Variants in TMEM178A observed in about 807,000 individuals in gnomAD.
TMEM178A encodes transmembrane protein 178.
In TMEM178A, 12 loss-of-function variants were observed where a neutral mutation model predicts 29.1. That is an observed-to-expected ratio of 0.41 (90% CI 0.26 to 0.67). The LOEUF (loss-of-function observed/expected upper bound fraction) is 0.67, where lower values mean the gene tolerates loss of function less well. Ranked by LOEUF, TMEM178A falls within the 30% of genes least tolerant of loss-of-function variation. The pLI, the probability that TMEM178A is intolerant of heterozygous loss-of-function variation, is 0.29. For synonymous variants in TMEM178A, 210 were observed against 187.2 expected, an observed-to-expected ratio of 1.12 and a Z score of -0.99; for missense variants, 366 against 419.1, an observed-to-expected ratio of 0.87 and a Z score of 1.11.
chr2:39,709,601 A>T (rs1253863667), intron 3 of TMEM178A, among the ~76,000 whole-genome samples: 2 of 152,234 alleles, frequency 1.3e-5, no homozygotes, highest in East Asian at 3.8e-4. Flanking sequence ...TGCACTGCAC[A>T]GAGGATTCCT....
intron 1 of TMEM178A, among the ~76,000 whole-genome samples, chr2:39,668,144 T>G (rs891395453): frequency 6.6e-6 from 1 of 152,220 alleles, no homozygotes; most frequent in African/African-American, 2.4e-5. Context: ...CCTGGCTAAC[T>G]GAGGTGCCAG....
intron 1 of TMEM178A, among the ~76,000 whole-genome samples, chr2:39,694,235 T>A (rs944379043): frequency 6.6e-6 from 1 of 151,860 alleles, no homozygotes; most frequent in Non-Finnish European, 1.5e-5. Context: ...TAATCCTCCT[T>A]TGAGATAGAT....
At chr2:39,711,910 A>G (rs1440737270) in intron 3 of TMEM178A, among the ~76,000 whole-genome samples, 1 of 152,190 alleles carries the variant, frequency 6.6e-6, no homozygotes, top group Non-Finnish European at 1.5e-5. Context: ...AAACATACGA[A>G]TATTCACACT....
chr2:39,723,837 G>C, the TMEM178A span, among the ~76,000 whole-genome samples: 38 of 152,104 alleles, frequency 2.5e-4, no homozygotes, highest in Admixed American at 7.2e-4. Flanking sequence ...AGACCCAGCA[G>C]CATTTCCATA....
the TMEM178A span, among the ~76,000 whole-genome samples, chr2:39,728,282 G>T: frequency 3.3e-5 from 5 of 152,118 alleles, no homozygotes; most frequent in Non-Finnish European, 5.9e-5. Context: ...TCTCATTGTG[G>T]TTTTGATTTG....
Position 39,678,901 on chromosome 2 carries a change from T to G in TMEM178A, c.400+12527T>G, listed in dbSNP as rs372705688. On this transcript the variant is annotated intron_variant, in intron 1 of 3. Coordinates refer to ENST00000281961, the MANE Select transcript of TMEM178A (RefSeq NM_152390.3). ...GCACTTTCGTATCTCTGTGTCATTG[T>G]GAATACTGCTTCCTCTGCCTGAATA... is the stretch of plus-strand genomic sequence containing the variant. Among the ~76,000 whole-genome samples, 180 of 152,362 alleles carry G rather than the reference T, an allele frequency of 1.2e-3. 1 individual carries two copies. The highest frequency in any genetic ancestry group is 4.3e-3 in the African/African-American group (178 of 41,592).
chr2:39,707,931 A>G (rs1672110083), intron 3 of TMEM178A, among the ~76,000 whole-genome samples: 2 of 152,222 alleles, frequency 1.3e-5, no homozygotes, highest in Admixed American at 6.5e-5. Flanking sequence ...TGTCATTTTT[A>G]CATACACAAC....
intron 2 of TMEM178A, 47 bp from the exon 3 acceptor site, chr2:39,707,002 C>T: frequency 1.3e-6 from 2 of 1,559,762 alleles, no homozygotes; most frequent in Non-Finnish European, 1.7e-6. Context: ...TTCTTAATGA[C>T]TTTCCTGAAT....
chr2:39,674,521 C>T (rs979632823), intron 1 of TMEM178A, among the ~76,000 whole-genome samples: 52 of 152,040 alleles, frequency 3.4e-4, no homozygotes, highest in Admixed American at 1.3e-4. Context: ...GGAGGAAGAG[C>T]GGGAGTGGGG....
intron 3 of TMEM178A, among the ~76,000 whole-genome samples, chr2:39,710,471 G>A (rs1672254723): frequency 6.6e-6 from 1 of 152,184 alleles, no homozygotes; most frequent in Non-Finnish European, 1.5e-5. Context: ...AAAGGAAGGA[G>A]AAGAAAGGGG....
At chr2:39,675,686 T>C (rs1246495943) in intron 1 of TMEM178A, among the ~76,000 whole-genome samples, 1 of 152,200 alleles carries the variant, frequency 6.6e-6, no homozygotes, top group Non-Finnish European at 1.5e-5. Flanking sequence ...TTCTTCTGGC[T>C]GTATTTACAG....
At chr2:39,735,433 G>C in the TMEM178A span, among the ~76,000 whole-genome samples, 1 of 152,162 alleles carries the variant, frequency 6.6e-6, no homozygotes, top group Non-Finnish European at 1.5e-5. Flanking sequence ...CCGCCTCATA[G>C]GGCTCGTATT....
chr2:39,696,245 CAT>C, intron 1 of TMEM178A, among the ~76,000 whole-genome samples: 1 of 152,200 alleles, frequency 6.6e-6, no homozygotes, highest in Non-Finnish European at 1.5e-5. Flanking sequence ...GGAGAGGAAA[CAT>C]GAGAGCTGTT....
intron 1 of TMEM178A, among the ~76,000 whole-genome samples, chr2:39,691,771 A>G (rs1671327154): frequency 6.6e-6 from 1 of 151,780 alleles, no homozygotes; most frequent in African/African-American, 2.4e-5. Context: ...AGATGAATAG[A>G]TAAAGGAAAA....
chr2:39,735,754 A>C, the TMEM178A span, among the ~76,000 whole-genome samples: 4 of 152,214 alleles, frequency 2.6e-5, no homozygotes, highest in Admixed American at 2.0e-4. Flanking sequence ...CCAGAGAGAG[A>C]AGCTTAGCGG....
intron 1 of TMEM178A, among the ~76,000 whole-genome samples, chr2:39,683,083 G>T (rs117504201): frequency 6.6e-6 from 1 of 152,110 alleles, no homozygotes; most frequent in South Asian, 2.1e-4. Flanking sequence ...GACTACTTGC[G>T]GTAGATTAAG....
intron 1 of TMEM178A, among the ~76,000 whole-genome samples, chr2:39,699,619 G>A (rs1671695995): frequency 6.6e-6 from 1 of 151,730 alleles, no homozygotes; most frequent in African/African-American, 2.4e-5. Context: ...ATCATGCCTG[G>A]CTAATTTTGT....
chr2:39,709,980 A>T (rs1672233095), intron 3 of TMEM178A, among the ~76,000 whole-genome samples: 1 of 152,188 alleles, frequency 6.6e-6, no homozygotes, highest in Non-Finnish European at 1.5e-5. Context: ...GTTTTAAATG[A>T]AAGGAAGTTG....
chr2:39,707,003 T>G (rs375363509), intron 2 of TMEM178A, 46 bp from the exon 3 acceptor site: 1 of 1,561,180 alleles, frequency 6.4e-7, no homozygotes, highest in Non-Finnish European at 8.6e-7. Flanking sequence ...TCTTAATGAC[T>G]TTCCTGAATT....
Sources: allele counts gnomAD v4.1 joint callset (sites outside exome capture counted in the v4.1 genomes callset), GRCh38; gene constraint gnomAD v4.1.1; transcripts MANE v1.5; gene names NCBI Gene and HGNC (gene_info 2026-07-23, HGNC 2026-07-21).